PTPRB: variants seen among roughly 807,000 people sequenced by gnomAD.
The protein encoded by PTPRB is protein tyrosine phosphatase receptor type B, also known as receptor-type tyrosine-protein phosphatase beta.
Under a neutral mutation model 238.1 loss-of-function variants are expected in PTPRB, and 97 were observed. The ratio of observed to expected loss-of-function variants is 0.41; its 90% CI spans 0.35 to 0.48. The LOEUF (loss-of-function observed/expected upper bound fraction) is 0.48. PTPRB is among the 20% of genes least tolerant of loss of function. The pLI is 0.30. For synonymous variants in PTPRB, 970 were observed against 995.4 expected (o/e 0.97, Z 0.48); for missense variants, 2,292 against 2,681.9 (o/e 0.85, Z 3.21).
chr12:70,520,381 G>GAA lies in PTPRB; in HGVS notation c.*1106_*1107dup, dbSNP rs542250325. ...TTTTGACTTCATTGATTTACTAAAA[G>GAA]AAGTTTTGAAAATTTTACTGAAGAC... On this transcript the variant is annotated 3_prime_UTR_variant, in exon 34 of 34. Coordinates refer to ENST00000334414, the MANE Select transcript of PTPRB (RefSeq NM_001109754.4). 548 of 229,616 alleles carry GAA rather than the reference G, an allele frequency of 2.4e-3. 2 individuals are homozygous for GAA. Among genetic ancestry groups the GAA allele is most frequent in the African/African-American group, 0.012 (511 of 42,718 alleles). 14.2% of individuals were successfully genotyped at this position (229,616 alleles called of 1,614,324 possible).
At chr12:70,618,136 G>T (rs190780899) in intron 3 of PTPRB, among the ~76,000 whole-genome samples, 1 of 152,176 alleles carries the variant, frequency 6.6e-6, no homozygotes, top group Admixed American at 6.5e-5. Flanking sequence ...GTCTCATTCT[G>T]TCATCCAGGC....
At chr12:70,524,158 G>A (rs547688201) in intron 33 of PTPRB, among the ~76,000 whole-genome samples, 1 of 152,140 alleles carries the variant, frequency 6.6e-6, no homozygotes, top group South Asian at 2.1e-4. Context: ...ACCCAGGCTG[G>A]AGTGCAGTGG....
At chr12:70,624,861 G>C (rs1885105500) in intron 2 of PTPRB, among the ~76,000 whole-genome samples, 1 of 152,036 alleles carries the variant, frequency 6.6e-6, no homozygotes, top group African/African-American at 2.4e-5. Flanking sequence ...TCTATCCTAA[G>C]AACTTTTTAA....
intron 2 of PTPRB, among the ~76,000 whole-genome samples, chr12:70,624,882 C>T (rs368871248): frequency 2.6e-5 from 4 of 152,230 alleles, no homozygotes; most frequent in African/African-American, 9.6e-5. Flanking sequence ...AAAAATTAGT[C>T]AGCTTACATA....
chr12:70,572,811 A>G (rs1475526202), intron 11 of PTPRB, among the ~76,000 whole-genome samples: 3 of 151,618 alleles, frequency 2.0e-5, no homozygotes, highest in African/African-American at 4.8e-5. Flanking sequence ...AAGGAAAAAG[A>G]AAAATGGAAG....
Position 70,556,049 on chromosome 12 carries a change from A to G in PTPRB, c.4814T>C (p.Ile1605Thr), listed in dbSNP as rs1334994533. ...TTGGGTGTCCATTTTCCGGCATTCA[A>G]TACTATAACCATCAAAGTCAGAATC... ...PPDSDFDGYS[I>T]ECRKMDTQEV... Residue 1605 changes from isoleucine (I) to threonine (T), a missense_variant, in exon 19 of 34, where the codon ATT (isoleucine) becomes ACT (threonine). Ile to Thr is a moderately conservative substitution (Grantham distance 89). Transcript: ENST00000334414. 1.2e-6 allele frequency: 2 copies of G among 1,613,826 alleles called. No homozygotes were observed. The highest frequency in any genetic ancestry group is 1.3e-5 in the African/African-American group (1 of 74,926).
intron 10 of PTPRB, among the ~76,000 whole-genome samples, chr12:70,579,631 A>G (rs1481047434): frequency 7.0e-6 from 1 of 143,470 alleles, no homozygotes; most frequent in East Asian, 2.2e-4. Flanking sequence ...AGGGAGTCGG[A>G]GGTTGCAGTG....
chr12:70,624,099 C>T (rs1000863433), intron 2 of PTPRB, among the ~76,000 whole-genome samples: 6 of 152,006 alleles, frequency 3.9e-5, no homozygotes, highest in Non-Finnish European at 5.9e-5. Context: ...AACATAAGGT[C>T]GATGGATTTA....
chr12:70,534,512 G>C lies in PTPRB; in HGVS notation c.6344C>G (p.Ala2115Gly). ...VRDYINRSPGAGPTVVHCSAG... is the reference protein window; with the variant it reads ...VRDYINRSPGGGPTVVHCSAG... ...CCTGCAGTGCACCACAGTGGGCCCA[G>C]CACCCGGGCTTCTGTTGATGTAGTC... is the stretch of plus-strand genomic sequence containing the variant. The change falls in exon 31 of 34, where the codon GCT becomes GGT. Residue 2115 changes from alanine (A) to glycine (G), a missense_variant. Ala to Gly is a moderately conservative substitution (Grantham distance 60). Coordinates refer to ENST00000334414, the MANE Select transcript of PTPRB (RefSeq NM_001109754.4). 6.2e-7 allele frequency: 1 copy of C among 1,612,962 alleles called. No homozygotes were observed. Among genetic ancestry groups the C allele is most frequent in the Non-Finnish European group, 8.5e-7 (1 of 1,179,682 alleles).
At chr12:70,585,688 G>A (rs1221574431) in intron 9 of PTPRB, among the ~76,000 whole-genome samples, 1 of 151,958 alleles carries the variant, frequency 6.6e-6, no homozygotes, top group African/African-American at 2.4e-5. Context: ...GGGTACCTGT[G>A]CACAACATGC....
At chr12:70,611,501 C>T (rs1298232588) in intron 3 of PTPRB, among the ~76,000 whole-genome samples, 5 of 151,914 alleles carry the variant, frequency 3.3e-5, no homozygotes, top group Admixed American at 2.0e-4. Flanking sequence ...GGTTTCACCA[C>T]GTTGACCAGG....
At chr12:70,558,593 T>C (rs547472510) in intron 18 of PTPRB, among the ~76,000 whole-genome samples, 5 of 152,310 alleles carry the variant, frequency 3.3e-5, no homozygotes, top group African/African-American at 1.2e-4. Flanking sequence ...GGTATATGCT[T>C]CGTCGTCGAA....
intron 31 of PTPRB, among the ~76,000 whole-genome samples, chr12:70,532,567 T>A (rs1184109861): frequency 1.3e-5 from 2 of 152,210 alleles, no homozygotes; most frequent in Non-Finnish European, 2.9e-5. Flanking sequence ...TGTTTTCAGA[T>A]TTATCTATAT....
chr12:70,568,981 A>G (rs774136427), intron 14 of PTPRB, among the ~76,000 whole-genome samples: 9 of 152,176 alleles, frequency 5.9e-5, no homozygotes, highest in Non-Finnish European at 1.0e-4. Context: ...TACATTTGAT[A>G]CTTGTTTTTT....
chr12:70,545,482 T>A (rs930594762), intron 21 of PTPRB, among the ~76,000 whole-genome samples: 4 of 152,214 alleles, frequency 2.6e-5, no homozygotes, highest in Non-Finnish European at 4.4e-5. Context: ...AAGAGATGTA[T>A]GGTCACTAGT....
chr12:70,529,652 ATAAT>A lies in PTPRB; in HGVS notation c.6504+2379_6504+2382del, dbSNP rs150310248. On this transcript the variant is annotated intron_variant, in intron 32 of 33. Transcript: ENST00000334414. Reference sequence around the variant, plus strand: ...AGGATAATAATTAATAAGAAGGATAATAATTAATAATTATGATACAGGGTTATAT... The same window carrying A: ...AGGATAATAATTAATAAGAAGGATAATAATAATTATGATACAGGGTTATAT... Among the ~76,000 whole-genome samples the A allele has an allele frequency of 9.0e-3, 1,372 of 152,144 alleles. 11 individuals are homozygous for A. Among genetic ancestry groups the A allele is most frequent in the Middle Eastern group, 0.02 (6 of 294 alleles).
Position 70,590,050 on chromosome 12 carries a change from C to A in PTPRB, c.1964G>T (p.Gly655Val). Residue 655 changes from glycine (G) to valine (V), a missense_variant, in exon 8 of 34, where the codon GGG becomes GTG. Gly to Val is a moderately radical substitution (Grantham distance 109). Around this residue, in one of 4 missense-constraint regions of PTPRB, gnomAD observed 1,205 missense variants for 1,287.8 expected, o/e 0.94. Coordinates refer to ENST00000334414, the MANE Select transcript of PTPRB (RefSeq NM_001109754.4). ...EETQYVMDDT[G>V]LVPGRQYEVE... ...CTCATACTGTCTTCCCGGTACGAGCCCCGTGTCATCCATGACATACTGTGT... is the reference window on the plus strand; with the variant it reads ...CTCATACTGTCTTCCCGGTACGAGCACCGTGTCATCCATGACATACTGTGT... The A allele has an allele frequency of 6.2e-7, 1 of 1,613,944 alleles. No homozygotes were observed. Among genetic ancestry groups the A allele is most frequent in the Non-Finnish European group, 8.5e-7 (1 of 1,179,868 alleles).
rs1340709424 is a variant in PTPRB, at chr12:70,519,166, C to G, written c.*2323G>C. On this transcript the variant is annotated 3_prime_UTR_variant, in exon 34 of 34. Transcript: ENST00000334414. Reference sequence around the variant, plus strand: ...AACCTACGATTTTTCCCTGTCATGTCCATTTACATAATTCTGATACTACCC... The same window carrying G: ...AACCTACGATTTTTCCCTGTCATGTGCATTTACATAATTCTGATACTACCC... 1 of 152,114 alleles carries G rather than the reference C, an allele frequency of 6.6e-6. No homozygotes were observed. Among genetic ancestry groups the G allele is most frequent in the Non-Finnish European group, 1.5e-5 (1 of 68,028 alleles). 9.4% of individuals were successfully genotyped at this position (152,114 alleles called of 1,614,324 possible). A position where few individuals can be genotyped will look rare whatever the true frequency, so the allele number is the denominator to read the frequency against.
intron 9 of PTPRB, among the ~76,000 whole-genome samples, chr12:70,581,731 G>A (rs1881419771): frequency 6.6e-6 from 1 of 151,876 alleles, no homozygotes; most frequent in South Asian, 2.1e-4. Context: ...GTTGATTATG[G>A]TCTAGCAAAC....
Sources: allele counts gnomAD v4.1 joint callset (sites outside exome capture counted in the v4.1 genomes callset), GRCh38; gene constraint gnomAD v4.1.1; regional missense constraint gnomAD v4.1.1; transcripts MANE v1.5; gene names NCBI Gene and HGNC (gene_info 2026-07-23, HGNC 2026-07-21).